The following TMPO variants were observed in gnomAD, a reference collection of about 807,000 sequenced individuals.
The protein encoded by TMPO is LEM domain containing 4.
TMPO carries 22 observed loss-of-function variants against 45.4 expected under a neutral mutation model. The ratio of observed to expected loss-of-function variants is 0.48; its 90% CI spans 0.35 to 0.69. The LOEUF is 0.69. TMPO is among the 30% of genes least tolerant of loss of function. The pLI is 0.01. For synonymous variants in TMPO, 241 were observed against 204.1 expected (o/e 1.18, Z -1.54); for missense variants, 512 against 548.8 (o/e 0.93, Z 0.67).
chr12:98,528,974 A>G lies in TMPO; in HGVS notation c.406+962A>G, dbSNP rs138885617. Among the ~76,000 whole-genome samples, 301 of 152,212 alleles carry G rather than the reference A, an allele frequency of 2.0e-3. 1 individual carries two copies. The highest frequency in any genetic ancestry group is 6.2e-3 in the African/African-American group (259 of 41,534). ...CAAGACCCTGTCTCAAAAAAAATAA[A>G]TAAATAAGGGAAAAAGAAAAAGTGA... On this transcript the variant is annotated intron_variant, in intron 2 of 8. Transcript: ENST00000556029.
At position 98,539,202 on chromosome 12, in the gene TMPO, A is replaced by AAAATAAATAAAT. The variant is rs71436918; in HGVS notation, c.663+1645_663+1656dup. On this transcript the variant is annotated intron_variant, in intron 4 of 8. Coordinates refer to ENST00000556029, the MANE Select transcript of TMPO (RefSeq NM_001032283.3). ...GCAACAAGAGCGAAACTCTGTCTCAAAAATAAATAAATAAATAAATAAATA... is the reference window on the plus strand; with the variant it reads ...GCAACAAGAGCGAAACTCTGTCTCAAAAATAAATAAATAAATAAATAAATAAATAAATAAATA... Among the ~76,000 whole-genome samples the AAAATAAATAAAT allele has an allele frequency of 5.2e-3, 790 of 151,444 alleles. 5 individuals carry two copies. The highest frequency in any genetic ancestry group is 0.04 in the East Asian group (201 of 5,046).
At chr12:98,519,611 G>A (rs1047677250) in intron 1 of TMPO, among the ~76,000 whole-genome samples, 3 of 152,138 alleles carry the variant, frequency 2.0e-5, no homozygotes, top group African/African-American at 7.2e-5. Flanking sequence ...CATAATTACA[G>A]GTTTAAATGT....
At chr12:98,527,812 A>G (rs142106064) in intron 1 of TMPO, 74 bp from the exon 2 acceptor site, 1 of 1,569,150 alleles carries the variant, frequency 6.4e-7, no homozygotes, top group African/African-American at 1.4e-5. Context: ...TTGCATGTTT[A>G]TGTTATACAG....
At chr12:98,540,409 A>G (rs997524202) in intron 4 of TMPO, among the ~76,000 whole-genome samples, 2 of 152,032 alleles carry the variant, frequency 1.3e-5, no homozygotes, top group African/African-American at 2.4e-5. Flanking sequence ...GTTTTTTGAG[A>G]TGGAGTTTCA....
intron 6 of TMPO, 70 bp from the exon 7 acceptor site, chr12:98,544,881 T>C: frequency 1.6e-6 from 2 of 1,229,870 alleles, no homozygotes; most frequent in South Asian, 2.4e-5. Flanking sequence ...ATAAAATATC[T>C]TTCTTTTCTT....
At chr12:98,519,819 G>A (rs1876192231) in intron 1 of TMPO, among the ~76,000 whole-genome samples, 1 of 152,014 alleles carries the variant, frequency 6.6e-6, no homozygotes, top group Non-Finnish European at 1.5e-5. Flanking sequence ...AAGTTTACAG[G>A]AAAAGAAATT....
chr12:98,528,779 G>A (rs1876972074), intron 2 of TMPO, among the ~76,000 whole-genome samples: 1 of 152,042 alleles, frequency 6.6e-6, no homozygotes, highest in South Asian at 2.1e-4. Context: ...AGCAACATAG[G>A]GAGATCCCAT....
Position 98,531,850 on chromosome 12 carries a change from A to G in TMPO, c.565+12A>G, listed in dbSNP as rs1474200101. 9 of 1,607,398 alleles carry G rather than the reference A, an allele frequency of 5.6e-6. No homozygotes were observed. Among genetic ancestry groups the G allele is most frequent in the Non-Finnish European group, 7.7e-6 (9 of 1,176,020 alleles). ...TGACAATGAAGAAGGTAAAATTTTA[A>G]ATGATGTTAATCAAATGTATGGAAT... On this transcript the variant is annotated intron_variant, in intron 3 of 8. Coordinates refer to ENST00000556029, the MANE Select transcript of TMPO (RefSeq NM_001032283.3).
rs1189783682 is a variant in TMPO at position 98,549,550 on chromosome 12, T to TTACA, written c.*1694_*1695insCATA. ...GAAACTTACCTCATGAATAACTTGA[T>TTACA]TAAAGTAGTAGGTGATTAAAATTTC... On this transcript the variant is annotated 3_prime_UTR_variant, in exon 9 of 9. Transcript: ENST00000556029. 1 of 136,432 alleles carries TTACA rather than the reference T, an allele frequency of 7.3e-6. No homozygotes were observed. Among genetic ancestry groups the TTACA allele is most frequent in the South Asian group, 2.4e-4 (1 of 4,196 alleles). 8.5% of individuals were successfully genotyped at this position (136,432 alleles called of 1,614,324 possible).
Position 98,547,719 on chromosome 12 carries a change from G to T in TMPO, c.1226G>T (p.Arg409Leu). The T allele has an allele frequency of 6.2e-7, 1 of 1,614,080 alleles. No homozygotes were observed. The highest frequency in any genetic ancestry group is 8.5e-7 in the Non-Finnish European group (1 of 1,180,004). ...DVKSEKTKKG[R>L]SIPVWIKILL... ...AAGTCAGAAAAGACAAAAAAGGGACGCTCCATTCCCGTATGGATAAAAATT... is the reference window on the plus strand; with the variant it reads ...AAGTCAGAAAAGACAAAAAAGGGACTCTCCATTCCCGTATGGATAAAAATT... The change falls in exon 9 of 9, where the codon CGC becomes CTC. Residue 409 changes from arginine to leucine, a missense_variant. Transcript: ENST00000556029.
chr12:98,542,958 T>C (rs1283118013), intron 4 of TMPO, among the ~76,000 whole-genome samples: 1 of 152,230 alleles, frequency 6.6e-6, no homozygotes, highest in Non-Finnish European at 1.5e-5. Context: ...ATTCAGCAAA[T>C]ACTTCCTAAT....
At chr12:98,525,566 C>T (rs2121157878) in intron 1 of TMPO, among the ~76,000 whole-genome samples, 1 of 152,148 alleles carries the variant, frequency 6.6e-6, no homozygotes, top group Non-Finnish European at 1.5e-5. Context: ...CATGCTGAAA[C>T]CCCGTCTCTA....
intron 2 of TMPO, among the ~76,000 whole-genome samples, chr12:98,530,603 A>G (rs1877125257): frequency 6.6e-6 from 1 of 152,208 alleles, no homozygotes; most frequent in African/African-American, 2.4e-5. Flanking sequence ...AGAATTTGTA[A>G]TCAATTTTGC....
chr12:98,531,310 C>T (rs1439129622), intron 2 of TMPO, among the ~76,000 whole-genome samples: 2 of 147,998 alleles, frequency 1.4e-5, no homozygotes, highest in African/African-American at 5.0e-5. Flanking sequence ...GATCTCAGCT[C>T]ACTGCAACCT....
At chr12:98,517,124 T>C (rs1012849713) in intron 1 of TMPO, among the ~76,000 whole-genome samples, 20 of 152,226 alleles carry the variant, frequency 1.3e-4, no homozygotes, top group African/African-American at 4.8e-4. Context: ...CAAACAAATA[T>C]TTGAAAATTG....
At chr12:98,546,292 G>A in intron 7 of TMPO, 67 bp from the exon 8 acceptor site, 1 of 1,045,364 alleles carries the variant, frequency 9.6e-7, no homozygotes, top group Admixed American at 1.7e-5. Context: ...TACTATTTAT[G>A]TTTTAATTAT....
chr12:98,517,882 G>A (rs1295426534), intron 1 of TMPO, among the ~76,000 whole-genome samples: 1 of 152,252 alleles, frequency 6.6e-6, no homozygotes, highest in East Asian at 1.9e-4. Context: ...GTTGGTTGAG[G>A]CCGGGCGCGG....
chr12:98,546,994 G>A (rs1394396315), intron 8 of TMPO, among the ~76,000 whole-genome samples: 1 of 151,576 alleles, frequency 6.6e-6, no homozygotes, highest in African/African-American at 2.4e-5. Context: ...CTAAACATGA[G>A]CTTTGAAGAG....
In TMPO at chr12:98,532,847, T is replaced by C. The variant is rs1014307018; in HGVS notation, c.565+1009T>C. The stretch of plus-strand genomic sequence containing the variant: ...GGAAAGAAGAAAGAACACAAGAAAG[T>C]GAAGTCCACTAGGGATATTGTTCCT... On this transcript the variant is annotated intron_variant, in intron 3 of 8. Coordinates refer to ENST00000556029, the MANE Select transcript of TMPO (RefSeq NM_001032283.3). 17 of 1,614,170 alleles carry C rather than the reference T, an allele frequency of 1.1e-5. No homozygotes were observed. Among genetic ancestry groups the C allele is most frequent in the Non-Finnish European group, 1.4e-5 (17 of 1,180,020 alleles).
Sources: allele counts gnomAD v4.1 joint callset (sites outside exome capture counted in the v4.1 genomes callset), GRCh38; gene constraint gnomAD v4.1.1; transcripts MANE v1.5; gene names NCBI Gene and HGNC (gene_info 2026-07-23, HGNC 2026-07-21).